The following CACNA2D1 variants were observed in gnomAD, a reference collection of about 807,000 sequenced individuals.
CACNA2D1 encodes voltage-dependent calcium channel subunit alpha-2/delta-1.
CACNA2D1 carries 53 observed loss-of-function variants against 171.5 expected under a neutral mutation model. That is an observed-to-expected ratio of 0.31 (90% CI 0.25 to 0.39). The LOEUF (loss-of-function observed/expected upper bound fraction) is 0.39, where lower values mean the gene tolerates loss of function less well. CACNA2D1 is among the 10% of genes least tolerant of loss of function. The probability of loss-of-function intolerance (pLI) is 1.00; values close to 1 mark genes in which losing one functional copy is unlikely to be tolerated. For missense variants in CACNA2D1, 903 were observed against 1,299.8 expected, an observed-to-expected ratio of 0.69 and a Z score of 4.69; for synonymous variants, 442 against 443.1, an observed-to-expected ratio of 1.00 and a Z score of 0.03.
At chr7:81,971,886 A>T (rs1795320330) in intron 25 of CACNA2D1, 22 bp from the exon 26 acceptor site, 1 of 1,364,868 alleles carries the variant, frequency 7.3e-7, no homozygotes, top group Non-Finnish European at 1.0e-6. Context: ...AAAGATCATC[A>T]GTTACACTCA....
At chr7:82,427,101 T>C (rs2129458289) in intron 1 of CACNA2D1, among the ~76,000 whole-genome samples, 1 of 152,302 alleles carries the variant, frequency 6.6e-6, no homozygotes, top group African/African-American at 2.4e-5. Flanking sequence ...TCTGGAAATG[T>C]GTCCCTAGTG....
chr7:82,395,643 A>T (rs994452512), intron 1 of CACNA2D1, among the ~76,000 whole-genome samples: 1 of 152,226 alleles, frequency 6.6e-6, no homozygotes, highest in Non-Finnish European at 1.5e-5. Flanking sequence ...ACAATAGCTG[A>T]GCACAATTAA....
intron 1 of CACNA2D1, among the ~76,000 whole-genome samples, chr7:82,394,026 T>C (rs1268038061): frequency 3.9e-5 from 6 of 152,076 alleles, no homozygotes; most frequent in Admixed American, 1.3e-4. Context: ...AAACAAAACT[T>C]TATTGAGACT....
chr7:82,166,726 G>GCT (rs1241504537), intron 4 of CACNA2D1, among the ~76,000 whole-genome samples: 36 of 151,984 alleles, frequency 2.4e-4, no homozygotes. Context: ...ATTGTATGGA[G>GCT]ACCTAGCAGG....
At chr7:82,443,293 G>A in intron 1 of CACNA2D1, 72 bp downstream of exon 1, 1 of 1,455,142 alleles carries the variant, frequency 6.9e-7, no homozygotes, top group Non-Finnish European at 9.3e-7. Flanking sequence ...CCCGCGACTC[G>A]GGAACCGACC....
At chr7:81,977,857 T>C (rs1248884417) in intron 24 of CACNA2D1, among the ~76,000 whole-genome samples, 1 of 152,088 alleles carries the variant, frequency 6.6e-6, no homozygotes, top group Non-Finnish European at 1.5e-5. Context: ...AAAAGGCTAA[T>C]ATCCAGAATC....
At chr7:82,320,259 C>T (rs940192798) in intron 3 of CACNA2D1, among the ~76,000 whole-genome samples, 4 of 152,068 alleles carry the variant, frequency 2.6e-5, no homozygotes, top group Non-Finnish European at 4.4e-5. Context: ...CCATATTTAA[C>T]TTATTATACT....
rs905344550 is a variant in CACNA2D1, at chr7:82,175,840, G to A, written c.295-5231C>T. Among the ~76,000 whole-genome samples, 9 of 151,932 alleles carry A rather than the reference G, an allele frequency of 5.9e-5. No homozygotes were observed. The East Asian group carries it at 1.4e-3, about 23-fold the overall frequency. ...ACAAACTCAGTAAAGTTTTGCTTCC[G>A]TTTGAACCTGACAAACATGAACCCG... On this transcript the variant is annotated intron_variant, in intron 3 of 38. Coordinates refer to ENST00000356860, the MANE Select transcript of CACNA2D1 (RefSeq NM_000722.4).
intron 1 of CACNA2D1, chr7:82,410,647 C>T (rs1183858602): frequency 3.4e-6 from 1 of 297,792 alleles, no homozygotes; most frequent in African/African-American, 2.3e-5. Context: ...TGAGCAGGCG[C>T]GTAAGGGCAA....
At chr7:82,241,890 T>C (rs1804345513) in intron 3 of CACNA2D1, among the ~76,000 whole-genome samples, 1 of 152,156 alleles carries the variant, frequency 6.6e-6, no homozygotes, top group Admixed American at 6.5e-5. Context: ...TTTCACAGTA[T>C]GGTCCTATTG....
intron 3 of CACNA2D1, among the ~76,000 whole-genome samples, chr7:82,204,727 C>G (rs972384646): frequency 6.6e-6 from 1 of 152,112 alleles, no homozygotes; most frequent in Non-Finnish European, 1.5e-5. Flanking sequence ...TGTGTTGGAC[C>G]TGTGTGTCCA....
At chr7:82,007,817 G>A (rs1799288099) in intron 15 of CACNA2D1, 61 bp from the exon 16 acceptor site, 2 of 948,830 alleles carry the variant, frequency 2.1e-6, no homozygotes, top group Non-Finnish European at 3.5e-6. Context: ...TTGTCAGAGT[G>A]CACTAACCTT....
At chr7:82,060,190 T>TTATATATATAA (rs1806568605) in intron 10 of CACNA2D1, among the ~76,000 whole-genome samples, 2 of 13,138 alleles carry the variant, frequency 1.5e-4, no homozygotes, top group Non-Finnish European at 4.1e-4. Context: ...TATATATATA[T>TTATATATATAA]TATATATATA....
intron 1 of CACNA2D1, among the ~76,000 whole-genome samples, chr7:82,357,577 T>A (rs955046858): frequency 6.6e-6 from 1 of 151,936 alleles, no homozygotes; most frequent in Admixed American, 6.6e-5. Flanking sequence ...GTAAACAGAT[T>A]TGTAAGAAAA....
At chr7:82,199,095 C>G (rs972641469) in intron 3 of CACNA2D1, among the ~76,000 whole-genome samples, 14 of 152,120 alleles carry the variant, frequency 9.2e-5, no homozygotes, top group Admixed American at 5.2e-4. Context: ...CATTGTGTCT[C>G]TTGTAATATC....
intron 15 of CACNA2D1, among the ~76,000 whole-genome samples, chr7:82,010,306 C>T (rs969469598): frequency 6.6e-6 from 1 of 151,492 alleles, no homozygotes; most frequent in African/African-American, 2.4e-5. Flanking sequence ...ATATGAGGAT[C>T]ACTTTATCAT....
intron 23 of CACNA2D1, 54 bp from the exon 24 acceptor site, chr7:81,982,681 G>T: frequency 9.4e-7 from 1 of 1,066,824 alleles, no homozygotes. Context: ...TATATCCAGA[G>T]ATTCTATAAC....
chr7:82,146,240 C>A (rs554837479), intron 4 of CACNA2D1, among the ~76,000 whole-genome samples: 1 of 151,488 alleles, frequency 6.6e-6, no homozygotes, highest in African/African-American at 2.4e-5. Flanking sequence ...ATGGAAATAC[C>A]TCCCTAGAAG....
chr7:82,106,894 A>G (rs1376011882), intron 6 of CACNA2D1, among the ~76,000 whole-genome samples: 2 of 152,188 alleles, frequency 1.3e-5, no homozygotes, highest in African/African-American at 4.8e-5. Flanking sequence ...TTAGATAGAA[A>G]ACATGGGTTC....
Sources: allele counts gnomAD v4.1 joint callset (sites outside exome capture counted in the v4.1 genomes callset), GRCh38; gene constraint gnomAD v4.1.1; transcripts MANE v1.5; gene names NCBI Gene and HGNC (gene_info 2026-07-23, HGNC 2026-07-21).